Variants in ENTREP2 observed in about 807,000 individuals in gnomAD.
ENTREP2 encodes the protein endosomal transmembrane epsin interactor 2, also known as protein ENTREP2.
At chr15:29,324,737 A>C in the ENTREP2 span, among the ~76,000 whole-genome samples, 1 of 152,214 alleles carries the variant, frequency 6.6e-6, no homozygotes, top group Non-Finnish European at 1.5e-5. Context: ...GCACCTAAAA[A>C]CAGAGCGTCA....
chr15:29,600,439 C>CCATCATCATCAT, the ENTREP2 span, among the ~76,000 whole-genome samples: 23,348 of 141,680 alleles, frequency 0.16, 2,067 homozygotes, highest in Middle Eastern at 0.29. Context: ...TTCTCTCCCA[C>CCATCATCATCAT]CATCATCATC....
chr15:29,604,581 T>A, the ENTREP2 span, among the ~76,000 whole-genome samples: 1 of 152,222 alleles, frequency 6.6e-6, no homozygotes, highest in African/African-American at 2.4e-5. Flanking sequence ...CAAGGAATTA[T>A]AATATCTAGC....
chr15:29,173,575 G>A, the ENTREP2 span, among the ~76,000 whole-genome samples: 7 of 152,104 alleles, frequency 4.6e-5, no homozygotes, highest in African/African-American at 1.2e-4. Flanking sequence ...GGAGGATTCC[G>A]CCAGGGTGTG....
At chr15:29,148,355 C>A in the ENTREP2 span, among the ~76,000 whole-genome samples, 1 of 152,142 alleles carries the variant, frequency 6.6e-6, no homozygotes, top group Admixed American at 6.5e-5. Flanking sequence ...AAGAAAAAAA[C>A]CATTTATAAA....
At chr15:29,623,717 G>T in the ENTREP2 span, among the ~76,000 whole-genome samples, 1 of 152,106 alleles carries the variant, frequency 6.6e-6, no homozygotes, top group African/African-American at 2.4e-5. Flanking sequence ...TCAGATAATA[G>T]GAGAAAAAAA....
At chr15:29,179,772 A>G in the ENTREP2 span, among the ~76,000 whole-genome samples, 1 of 151,672 alleles carries the variant, frequency 6.6e-6, no homozygotes, top group Non-Finnish European at 1.5e-5. Flanking sequence ...TTTTTAGTAC[A>G]GACGGGGTTT....
At chr15:29,378,526 T>C in the ENTREP2 span, among the ~76,000 whole-genome samples, 4 of 152,264 alleles carry the variant, frequency 2.6e-5, no homozygotes, top group South Asian at 8.3e-4. Context: ...CCCTCCATAA[T>C]GTAGTGGGCT....
the ENTREP2 span, among the ~76,000 whole-genome samples, chr15:29,401,345 T>C: frequency 6.6e-6 from 1 of 152,062 alleles, no homozygotes; most frequent in Non-Finnish European, 1.5e-5. Flanking sequence ...CAGAAAAAAA[T>C]GGCTGAATAC....
the ENTREP2 span, among the ~76,000 whole-genome samples, chr15:29,344,858 A>G: frequency 2.6e-5 from 4 of 151,932 alleles, no homozygotes; most frequent in Non-Finnish European, 5.9e-5. Flanking sequence ...AAGAAACTGC[A>G]TGCATAGCAT....
At chr15:29,298,821 C>A in the ENTREP2 span, among the ~76,000 whole-genome samples, 1 of 152,150 alleles carries the variant, frequency 6.6e-6, no homozygotes, top group Non-Finnish European at 1.5e-5. Context: ...TACATGAACT[C>A]TTCCAGAAAA....
the ENTREP2 span, among the ~76,000 whole-genome samples, chr15:29,193,914 A>G: frequency 6.6e-6 from 1 of 152,244 alleles, no homozygotes. Context: ...AAGCATAACT[A>G]TTACAAAATA....
chr15:29,189,749 A>T, the ENTREP2 span, among the ~76,000 whole-genome samples: 1 of 152,208 alleles, frequency 6.6e-6, no homozygotes, highest in Admixed American at 6.5e-5. Context: ...AAAAAAAAAT[A>T]CTGTGAATAC....
the ENTREP2 span, among the ~76,000 whole-genome samples, chr15:29,615,613 T>A: frequency 1.3e-5 from 2 of 152,144 alleles, no homozygotes; most frequent in African/African-American, 4.8e-5. Context: ...TGGGAAGGTG[T>A]GTTCCCCCAC....
chr15:29,363,650 C>A, the ENTREP2 span, among the ~76,000 whole-genome samples: 1 of 152,212 alleles, frequency 6.6e-6, no homozygotes, highest in Non-Finnish European at 1.5e-5. Context: ...TCCTTGATAT[C>A]TGCATGTTAC....
At chr15:29,383,926 G>A in the ENTREP2 span, among the ~76,000 whole-genome samples, 4 of 152,156 alleles carry the variant, frequency 2.6e-5, no homozygotes, top group Non-Finnish European at 5.9e-5. Context: ...ATTTCCCACC[G>A]CCCGGGTCCC....
At chr15:29,465,610 T>G in the ENTREP2 span, among the ~76,000 whole-genome samples, 3 of 152,226 alleles carry the variant, frequency 2.0e-5, no homozygotes, top group Non-Finnish European at 4.4e-5. Flanking sequence ...ATCCTGGATG[T>G]ACTCTAAAGG....
chr15:29,417,843 T>G, the ENTREP2 span, among the ~76,000 whole-genome samples: 4 of 152,186 alleles, frequency 2.6e-5, no homozygotes, highest in African/African-American at 9.7e-5. Flanking sequence ...GTCATGGGCA[T>G]TCACTGCTTC....
chr15:29,566,622 AT>A, the ENTREP2 span, among the ~76,000 whole-genome samples: 1 of 150,752 alleles, frequency 6.6e-6, no homozygotes, highest in Non-Finnish European at 1.5e-5. Context: ...ACACCTGACT[AT>A]TTTTTGTATT....
the ENTREP2 span, among the ~76,000 whole-genome samples, chr15:29,510,732 G>A: frequency 6.0e-5 from 9 of 151,246 alleles, no homozygotes; most frequent in African/African-American, 1.2e-4. Context: ...GCGTGAACCC[G>A]GGAAGTGGAG....
Sources: gnomAD v4.1 joint callset for allele counts (sites outside exome capture counted in the v4.1 genomes callset) on GRCh38, gnomAD v4.1.1 for gene constraint, MANE v1.5 for transcripts, NCBI Gene and HGNC (gene_info 2026-07-23, HGNC 2026-07-21) for gene names.